LMBR1: variants seen among roughly 807,000 people sequenced by gnomAD.
LMBR1 encodes the protein limb region 1 protein homolog.
Under a neutral mutation model 73.9 loss-of-function variants are expected in LMBR1, and 52 were observed. That is an observed-to-expected ratio of 0.70 (90% CI 0.56 to 0.89). The LOEUF (loss-of-function observed/expected upper bound fraction) is 0.89, where lower values mean the gene tolerates loss of function less well. LMBR1 is among the 40% of genes least tolerant of loss of function. The pLI is 0.00. For synonymous variants in LMBR1, 215 were observed against 209.4 expected, an observed-to-expected ratio of 1.03 and a Z score of -0.23; for missense variants, 539 against 579.8, an observed-to-expected ratio of 0.93 and a Z score of 0.72.
chr7:156,747,619 G>C (rs1820078067), intron 9 of LMBR1, among the ~76,000 whole-genome samples: 1 of 152,044 alleles, frequency 6.6e-6, no homozygotes, highest in African/African-American at 2.4e-5. Context: ...GTCTCATAAT[G>C]AGTACTATTT....
intron 15 of LMBR1, among the ~76,000 whole-genome samples, chr7:156,720,246 A>G (rs1046345712): frequency 6.6e-6 from 1 of 152,192 alleles, no homozygotes; most frequent in Non-Finnish European, 1.5e-5. Context: ...AATGAACTCA[A>G]ACAAATTTAC....
chr7:156,887,687 A>G (rs1460878334), intron 1 of LMBR1, among the ~76,000 whole-genome samples: 1 of 152,086 alleles, frequency 6.6e-6, no homozygotes, highest in Non-Finnish European at 1.5e-5. Flanking sequence ...AAAATTAAAA[A>G]CTTTTGTGCA....
At chr7:156,728,802 C>T (rs908433970) in intron 10 of LMBR1, 82 bp from the exon 11 acceptor site, 2 of 960,118 alleles carry the variant, frequency 2.1e-6, no homozygotes, top group African/African-American at 1.7e-5. Context: ...CTGTTTTATA[C>T]ATAATTTCTT....
chr7:156,711,162 T>G (rs1812006705), intron 15 of LMBR1, among the ~76,000 whole-genome samples: 1 of 151,990 alleles, frequency 6.6e-6, no homozygotes, highest in African/African-American at 2.4e-5. Flanking sequence ...TACAAAAAAT[T>G]AGCTGTGTGT....
intron 12 of LMBR1, among the ~76,000 whole-genome samples, chr7:156,726,697 T>G (rs1815832612): frequency 6.6e-6 from 1 of 152,172 alleles, no homozygotes; most frequent in Admixed American, 6.5e-5. Context: ...TAGAAAGTGA[T>G]GGGGTTCAAG....
intron 15 of LMBR1, among the ~76,000 whole-genome samples, chr7:156,712,960 C>A (rs139712936): frequency 1.3e-5 from 2 of 152,148 alleles, no homozygotes; most frequent in African/African-American, 4.8e-5. Context: ...TACACCATTA[C>A]ACAATCTATG....
rs965039404 is a variant in LMBR1 at position 156,840,142 on chromosome 7, T to C, written c.67-3257A>G. ...ATTTTATTCATTCAAATAAAAACAA[T>C]TTTTACTGTGGGCTTGCTATATACC... On this transcript the variant is annotated intron_variant, in intron 1 of 16. Coordinates refer to ENST00000353442, the MANE Select transcript of LMBR1 (RefSeq NM_022458.4). 3.3e-5 allele frequency among the ~76,000 whole-genome samples: 5 copies of C among 152,292 alleles called. No homozygotes were observed. In the South Asian group the frequency reaches 6.2e-4, roughly 19 times the overall value.
At chr7:156,850,204 A>G (rs1586218791) in intron 1 of LMBR1, among the ~76,000 whole-genome samples, 1 of 152,144 alleles carries the variant, frequency 6.6e-6, no homozygotes, top group Non-Finnish European at 1.5e-5. Flanking sequence ...CAGGTTTGTT[A>G]TAAAAGCAAG....
intron 9 of LMBR1, among the ~76,000 whole-genome samples, chr7:156,743,881 C>T (rs1355587747): frequency 6.6e-6 from 1 of 152,186 alleles, no homozygotes; most frequent in Non-Finnish European, 1.5e-5. Context: ...CACTGCTGCC[C>T]ACCCATGCCC....
At chr7:156,779,128 A>G (rs949693044) in intron 5 of LMBR1, among the ~76,000 whole-genome samples, 14 of 152,228 alleles carry the variant, frequency 9.2e-5, no homozygotes, top group Non-Finnish European at 2.1e-4. Flanking sequence ...TTATTAATCA[A>G]TAACTGTACT....
chr7:156,730,863 G>A (rs1341425807), intron 10 of LMBR1, among the ~76,000 whole-genome samples: 5 of 152,128 alleles, frequency 3.3e-5, no homozygotes, highest in Admixed American at 2.6e-4. Context: ...CTTGAACCAT[G>A]AGGTGGAGGT....
intron 1 of LMBR1, among the ~76,000 whole-genome samples, chr7:156,881,824 A>C (rs563577044): frequency 3.2e-4 from 48 of 152,224 alleles, no homozygotes; most frequent in Admixed American, 8.5e-4. Flanking sequence ...AAAAAAAAGA[A>C]GACGACAAGT....
intron 5 of LMBR1, among the ~76,000 whole-genome samples, chr7:156,764,208 C>T (rs762205549): frequency 6.6e-6 from 1 of 152,170 alleles, no homozygotes; most frequent in Non-Finnish European, 1.5e-5. Flanking sequence ...TGGAGAGCGC[C>T]GGCTCTCTCT....
chr7:156,716,002 C>T (rs1813123826), intron 15 of LMBR1, among the ~76,000 whole-genome samples: 1 of 152,140 alleles, frequency 6.6e-6, no homozygotes, highest in South Asian at 2.1e-4. Context: ...ACACAATATA[C>T]ACTCAACATG....
At chr7:156,850,466 G>A (rs112665860) in intron 1 of LMBR1, among the ~76,000 whole-genome samples, 15,923 of 152,174 alleles carry the variant, frequency 0.1, 1,064 homozygotes, top group Non-Finnish European at 0.14. Context: ...TTAGACTCTT[G>A]TAACCACCAA....
At chr7:156,718,015 TTA>T (rs1353489689) in intron 15 of LMBR1, among the ~76,000 whole-genome samples, 3 of 152,192 alleles carry the variant, frequency 2.0e-5, no homozygotes, top group Non-Finnish European at 4.4e-5. Context: ...ATGCATTCAC[TTA>T]TATGATTAAA....
chr7:156,729,931 T>C (rs760729963), intron 10 of LMBR1, among the ~76,000 whole-genome samples: 20 of 152,202 alleles, frequency 1.3e-4, no homozygotes, highest in Non-Finnish European at 7.3e-5. Flanking sequence ...CAGAGAGCTA[T>C]CAAGACAATG....
At chr7:156,698,200 G>A (rs758672094) in intron 15 of LMBR1, among the ~76,000 whole-genome samples, 5 of 152,182 alleles carry the variant, frequency 3.3e-5, no homozygotes, top group Non-Finnish European at 5.9e-5. Context: ...GGTTCCCATG[G>A]TCTTGGGCAG....
downstream of LMBR1, chr7:156,675,672 T>TTGGCGC: frequency 6.3e-7 from 1 of 1,599,404 alleles, no homozygotes; most frequent in Non-Finnish European, 8.6e-7. Context: ...GGTGTGAGCT[T>TTGGCGC]ACCCGCCCCC....
Sources: allele counts gnomAD v4.1 joint callset (sites outside exome capture counted in the v4.1 genomes callset), GRCh38; gene constraint gnomAD v4.1.1; transcripts MANE v1.5; gene names NCBI Gene and HGNC (gene_info 2026-07-23, HGNC 2026-07-21).